SLCO1C1: variants seen among roughly 807,000 people sequenced by gnomAD.
SLCO1C1 encodes the protein solute carrier organic anion transporter family member 1C1.
A neutral mutation model predicts 76.4 loss-of-function variants in SLCO1C1; 70 were observed. The observed-to-expected ratio is 0.92, with a 90% CI of 0.76 to 1.12. The LOEUF is 1.12. Ranked by LOEUF, SLCO1C1 falls within the 50% of genes most tolerant of loss-of-function variation. The probability of loss-of-function intolerance (pLI) is 0.00; values close to 1 mark genes in which losing one functional copy is unlikely to be tolerated. For synonymous variants in SLCO1C1, 306 were observed against 286.1 expected (o/e 1.07, Z -0.70); for missense variants, 912 against 823.8 (o/e 1.11, Z -1.31).
At position 20,717,648 on chromosome 12, in the gene SLCO1C1, CTTTTTT is replaced by C. The variant is rs534946900; in HGVS notation, c.775+457_775+462del. ...GTCTACTGGCAACCAAACAGCCCTT[CTTTTTT>C]TTTTTTTTTTTTTTTTTTTTTTTTT... On this transcript the variant is annotated intron_variant, in intron 7 of 14. Transcript: ENST00000266509. Among the ~76,000 whole-genome samples the C allele has an allele frequency of 6.8e-3, 289 of 42,290 alleles. 2 individuals are homozygous for C. The highest frequency in any genetic ancestry group is 0.018 in the African/African-American group (269 of 14,812). 27.7% of individuals were successfully genotyped at this position (42,290 alleles called of 152,430 possible). A position where few individuals can be genotyped will look rare whatever the true frequency, so the allele number is the denominator to read the frequency against.
chr12:20,750,876 G>A, intron 14 of SLCO1C1, 84 bp downstream of exon 14: 3 of 1,613,494 alleles, frequency 1.9e-6, no homozygotes, highest in East Asian at 2.2e-5. Context: ...AAGTTTTCAT[G>A]TCATTTCACT....
chr12:20,703,530 T>A (rs1432793384), intron 3 of SLCO1C1, among the ~76,000 whole-genome samples: 1 of 151,886 alleles, frequency 6.6e-6, no homozygotes, highest in Non-Finnish European at 1.5e-5. Flanking sequence ...ATTTTAGTAT[T>A]AAGCAATATG....
chr12:20,705,856 C>T (rs1268455497), intron 3 of SLCO1C1, 93 bp from the exon 4 acceptor site: 105 of 1,262,886 alleles, frequency 8.3e-5, no homozygotes, highest in South Asian at 4.0e-4. Context: ...TAAAAGAAAA[C>T]ATTGCTTGGT....
intron 4 of SLCO1C1, 56 bp from the exon 5 acceptor site, chr12:20,711,330 T>C (rs887915983): frequency 1.5e-5 from 23 of 1,576,028 alleles, no homozygotes; most frequent in Non-Finnish European, 1.8e-5. Flanking sequence ...ATACACATAA[T>C]ATTCTTAGTA....
chr12:20,718,213 G>A (rs975999600), intron 7 of SLCO1C1, among the ~76,000 whole-genome samples: 6 of 152,166 alleles, frequency 3.9e-5, no homozygotes, highest in East Asian at 3.9e-4. Flanking sequence ...ATTGTTAAGG[G>A]GAAGCAATTA....
In SLCO1C1 at chr12:20,717,213, T is replaced by G. The variant is rs776898909; in HGVS notation, c.758T>G (p.Ile253Ser). 1 of 1,586,972 alleles carries G rather than the reference T, an allele frequency of 6.3e-7. No homozygotes were observed. The highest frequency in any genetic ancestry group is 1.2e-5 in the South Asian group (1 of 84,974). The change falls in exon 7 of 15, where the codon ATT becomes AGT. Residue 253 changes from isoleucine to serine, a missense_variant. Physicochemically the swap from Ile to Ser is moderately radical, Grantham distance 142. Coordinates refer to ENST00000266509, the MANE Select transcript of SLCO1C1 (RefSeq NM_017435.5). ...GSLCAKLYVD[I>S]GFVNLDHITI... ...TTATGTGCCAAACTATATGTTGACATTGGCTTTGTAAACCTAGGTAAGGAA... is the reference window on the plus strand; with the variant it reads ...TTATGTGCCAAACTATATGTTGACAGTGGCTTTGTAAACCTAGGTAAGGAA...
At chr12:20,710,350 T>C (rs1947027224) in intron 4 of SLCO1C1, among the ~76,000 whole-genome samples, 1 of 151,182 alleles carries the variant, frequency 6.6e-6, no homozygotes. Context: ...TGGGAGTTCT[T>C]TACTATTAAT....
At chr12:20,722,868 T>C (rs1947748803) in intron 8 of SLCO1C1, among the ~76,000 whole-genome samples, 1 of 152,202 alleles carries the variant, frequency 6.6e-6, no homozygotes, top group African/African-American at 2.4e-5. Flanking sequence ...ACTGCATGTC[T>C]GTAGAAATGA....
In SLCO1C1 at chr12:20,699,628, C is replaced by T. The variant is rs771542732; in HGVS notation, c.52C>T (p.Gln18Ter). The T allele has an allele frequency of 1.1e-5, 18 of 1,612,460 alleles. No homozygotes were observed. The highest frequency in any genetic ancestry group is 1.4e-5 in the Non-Finnish European group (17 of 1,179,116). ...NIQLFCKTSV[Q>*]PVGRPSFKTE... is the part of the protein sequence containing the mutation. ...CCAGTTGTTCTGCAAAACTTCAGTGCAACCTGTTGGAAGGCCTTCTTTTAA... is the reference window on the plus strand; with the variant it reads ...CCAGTTGTTCTGCAAAACTTCAGTGTAACCTGTTGGAAGGCCTTCTTTTAA... Residue 18 changes from glutamine (Q) to a stop codon, truncating the protein, a stop_gained, in exon 2 of 15, where the codon CAA becomes TAA. Coordinates refer to ENST00000266509, the MANE Select transcript of SLCO1C1 (RefSeq NM_017435.5). LOFTEE classifies it high-confidence loss of function.
intron 1 of SLCO1C1, among the ~76,000 whole-genome samples, chr12:20,698,924 T>A (rs1379450567): frequency 6.6e-6 from 1 of 152,008 alleles, no homozygotes; most frequent in Non-Finnish European, 1.5e-5. Flanking sequence ...CAAGGCTGTC[T>A]TTTTTACTTT....
intron 13 of SLCO1C1, 34 bp downstream of exon 13, chr12:20,743,403 C>CT: frequency 6.6e-7 from 1 of 1,510,550 alleles, no homozygotes; most frequent in Non-Finnish European, 9.2e-7. Flanking sequence ...TTATGGTAGA[C>CT]ACCGTAAGTG....
intron 13 of SLCO1C1, among the ~76,000 whole-genome samples, chr12:20,749,907 A>T (rs1382169282): frequency 6.6e-6 from 1 of 152,244 alleles, no homozygotes; most frequent in African/African-American, 2.4e-5. Flanking sequence ...GTGTGTATTA[A>T]GAATGTGAAT....
At position 20,722,095 on chromosome 12, in the gene SLCO1C1, G is replaced by A. The variant is rs1226333269; in HGVS notation, c.1021+46G>A. 8.3e-6 allele frequency: 13 copies of A among 1,564,598 alleles called. No individual in the cohort carries two copies. In the Middle Eastern group the frequency reaches 7.8e-4, roughly 94 times the overall value. On this transcript the variant is annotated intron_variant, in intron 8 of 14. Transcript: ENST00000266509. The stretch of plus-strand genomic sequence containing the variant: ...TGAAGTATTTTCATTTTTCTGTTGG[G>A]GCTTAAGGAGATTTATAAATTACAT...
chr12:20,747,226 A>G (rs1949087892), intron 13 of SLCO1C1, among the ~76,000 whole-genome samples: 1 of 152,090 alleles, frequency 6.6e-6, no homozygotes, highest in Non-Finnish European at 1.5e-5. Context: ...GGAGTTCGAG[A>G]CCAGCCTGGC....
intron 14 of SLCO1C1, among the ~76,000 whole-genome samples, chr12:20,751,566 T>G (rs1394184349): frequency 6.6e-6 from 1 of 152,162 alleles, no homozygotes; most frequent in Admixed American, 6.5e-5. Context: ...TAGGTTTTGA[T>G]GCTATGCGTG....
At chr12:20,737,913 C>T (rs1948623502) in intron 11 of SLCO1C1, among the ~76,000 whole-genome samples, 1 of 152,066 alleles carries the variant, frequency 6.6e-6, no homozygotes, top group Non-Finnish European at 1.5e-5. Context: ...GTGGCTTAAA[C>T]AACAAACATT....
At chr12:20,743,263 T>C (rs1039434047) in intron 12 of SLCO1C1, 42 bp from the exon 13 acceptor site, 2 of 1,556,640 alleles carry the variant, frequency 1.3e-6, no homozygotes, top group East Asian at 2.2e-5. Flanking sequence ...TTTGCTTTAA[T>C]GGATTATATA....
intron 1 of SLCO1C1, among the ~76,000 whole-genome samples, chr12:20,698,546 A>G (rs928080402): frequency 3.3e-5 from 5 of 152,052 alleles, no homozygotes; most frequent in African/African-American, 1.2e-4. Context: ...AGGTTTAGTG[A>G]ACACAAAACA....
chr12:20,713,852 T>C (rs1327605876), intron 5 of SLCO1C1, among the ~76,000 whole-genome samples: 6 of 152,244 alleles, frequency 3.9e-5, no homozygotes, highest in Non-Finnish European at 7.3e-5. Context: ...CACATGTGGC[T>C]TATGGTTATT....
Sources: gnomAD v4.1 joint callset for allele counts (sites outside exome capture counted in the v4.1 genomes callset) on GRCh38, gnomAD v4.1.1 for gene constraint, MANE v1.5 for transcripts, NCBI Gene and HGNC (gene_info 2026-07-23, HGNC 2026-07-21) for gene names.